Variants in ANO4 observed in about 807,000 individuals in gnomAD.
ANO4 encodes anoctamin 4.
ANO4 carries 69 observed loss-of-function variants against 141.9 expected under a neutral mutation model. The observed-to-expected ratio is 0.49, with a 90% CI of 0.40 to 0.59. The LOEUF is 0.59. Ranked by LOEUF, ANO4 falls within the 20% of genes least tolerant of loss-of-function variation. The pLI is 0.00. For synonymous variants in ANO4, 350 were observed against 394.3 expected, an observed-to-expected ratio of 0.89 and a Z score of 1.33; for missense variants, 894 against 1,162.2, an observed-to-expected ratio of 0.77 and a Z score of 3.36.
chr12:101,061,520 A>G (rs996419567), intron 14 of ANO4, among the ~76,000 whole-genome samples: 3 of 152,158 alleles, frequency 2.0e-5, no homozygotes, highest in East Asian at 1.9e-4. Context: ...AGGTACACCA[A>G]TCAAATGTAG....
At chr12:100,841,098 T>C (rs575515486) in intron 1 of ANO4, among the ~76,000 whole-genome samples, 5 of 152,262 alleles carry the variant, frequency 3.3e-5, no homozygotes, top group South Asian at 4.1e-4. Flanking sequence ...CCTCATCATA[T>C]AGTTACTGAA....
chr12:100,773,030 T>G (rs533070082), intron 3 of ANO4, among the ~76,000 whole-genome samples: 1 of 152,224 alleles, frequency 6.6e-6, no homozygotes, highest in Non-Finnish European at 1.5e-5. Context: ...TAACAAAATA[T>G]CATAAACTGA....
At chr12:100,854,309 G>C (rs1364169589) in intron 1 of ANO4, among the ~76,000 whole-genome samples, 1 of 152,018 alleles carries the variant, frequency 6.6e-6, no homozygotes, top group Non-Finnish European at 1.5e-5. Flanking sequence ...TGTTTTCTCT[G>C]TTTGCTTTAG....
chr12:100,976,422 A>T (rs2044196653), intron 7 of ANO4, among the ~76,000 whole-genome samples: 1 of 152,260 alleles, frequency 6.6e-6, no homozygotes, highest in Admixed American at 6.5e-5. Context: ...AGCAGTTGAC[A>T]TGACATTTGG....
At chr12:100,718,377 T>C (rs1307288462) in intron 1 of ANO4, among the ~76,000 whole-genome samples, 1 of 152,210 alleles carries the variant, frequency 6.6e-6, no homozygotes, top group Non-Finnish European at 1.5e-5. Context: ...CCTCCCTCCC[T>C]TCCTCTTGCT....
rs1207189426 is a variant in ANO4, at chr12:100,942,357, C to T, written c.298-20C>T. 6.2e-7 allele frequency: 1 copy of T among 1,607,398 alleles called. No individual in the cohort carries two copies. ...AATTTGATGAATGACTTAAACTGGT[C>T]CCTTTCTCTTTGTGTGCAGACAGTG... On this transcript the variant is annotated intron_variant, in intron 4 of 27. Transcript: ENST00000392977.
At chr12:100,839,942 G>A (rs2037149028) in intron 1 of ANO4, among the ~76,000 whole-genome samples, 1 of 152,072 alleles carries the variant, frequency 6.6e-6, no homozygotes, top group Admixed American at 6.6e-5. Context: ...GTCCTATAGT[G>A]CTTGAGAAAT....
At chr12:100,975,955 A>AAAAAAAAAAAC (rs1555266336) in intron 7 of ANO4, among the ~76,000 whole-genome samples, 2 of 124,624 alleles carry the variant, frequency 1.6e-5, no homozygotes, top group African/African-American at 6.0e-5. Context: ...GAAAAAAAAA[A>AAAAAAAAAAAC]CCCACCAGAT....
intron 2 of ANO4, among the ~76,000 whole-genome samples, chr12:100,909,172 A>C (rs760829466): frequency 6.6e-6 from 1 of 152,242 alleles, no homozygotes; most frequent in Non-Finnish European, 1.5e-5. Flanking sequence ...GAAATCAAGA[A>C]TAGCTATTTG....
intron 2 of ANO4, among the ~76,000 whole-genome samples, chr12:100,906,851 C>T (rs1045493559): frequency 1.3e-5 from 2 of 152,048 alleles, no homozygotes; most frequent in African/African-American, 4.8e-5. Context: ...CTTTCAGATG[C>T]GTTGGTGCCA....
chr12:100,827,198 A>C (rs951880018), intron 1 of ANO4, among the ~76,000 whole-genome samples: 1 of 151,910 alleles, frequency 6.6e-6, no homozygotes, highest in East Asian at 1.9e-4. Context: ...ACTCTTCCTC[A>C]TGTACCCTAT....
At chr12:100,893,353 A>T (rs1231585518) in intron 1 of ANO4, among the ~76,000 whole-genome samples, 1 of 151,478 alleles carries the variant, frequency 6.6e-6, no homozygotes, top group African/African-American at 2.4e-5. Context: ...AGTTTTTTCT[A>T]TGAACCAACA....
At chr12:100,738,357 T>C (rs2135462775) in intron 2 of ANO4, among the ~76,000 whole-genome samples, 1 of 152,306 alleles carries the variant, frequency 6.6e-6, no homozygotes, top group East Asian at 1.9e-4. Context: ...AAATTGAGAC[T>C]CATCTATTTA....
chr12:101,117,422 G>A (rs2050897278), intron 25 of ANO4, among the ~76,000 whole-genome samples: 3 of 152,146 alleles, frequency 2.0e-5, no homozygotes, highest in Non-Finnish European at 2.9e-5. Flanking sequence ...CCATTTAATC[G>A]TCACATCAGC....
intron 3 of ANO4, among the ~76,000 whole-genome samples, chr12:100,924,251 A>T (rs2041769603): frequency 6.6e-6 from 1 of 151,998 alleles, no homozygotes; most frequent in African/African-American, 2.4e-5. Flanking sequence ...TAACTTTCTT[A>T]TGAATAATTT....
At position 101,110,429 on chromosome 12, in the gene ANO4, C is replaced by T; in HGVS notation, c.2175C>T (p.Ile725=). 6.2e-7 allele frequency: 1 copy of T among 1,609,446 alleles called. No individual in the cohort carries two copies. Among genetic ancestry groups the T allele is most frequent in the Non-Finnish European group, 8.5e-7 (1 of 1,178,290 alleles). The change falls in exon 23 of 28, where the codon ATC becomes ATT. Residue 725 remains isoleucine, a synonymous_variant. Transcript: ENST00000392977. ...TTCTTCAGTTTGGATTCACAACTAT[C>T]TTTGTGGCAGCTTTTCCCCTAGCAC... The part of the protein sequence containing the change: ...EMILQFGFTT[I]FVAAFPLAPL...
At chr12:101,098,006 G>A in intron 21 of ANO4, 61 bp downstream of exon 21, 2 of 1,481,102 alleles carry the variant, frequency 1.4e-6, no homozygotes, top group Non-Finnish European at 1.9e-6. Context: ...TTTTCTAGGT[G>A]TGGCAAGTAA....
At chr12:100,990,719 A>G (rs539076940) in intron 8 of ANO4, among the ~76,000 whole-genome samples, 1 of 152,288 alleles carries the variant, frequency 6.6e-6, no homozygotes, top group South Asian at 2.1e-4. Flanking sequence ...GGAATACTCA[A>G]TTCTCCAGAT....
At chr12:100,792,616 TTTGAG>T (rs2034084192), upstream of ANO4, among the ~76,000 whole-genome samples, 1 of 152,216 alleles carries the variant, frequency 6.6e-6, no homozygotes, top group Admixed American at 6.5e-5. Flanking sequence ...ATTAATGGCG[TTTGAG>T]TTAATAACTG....
Sources: allele counts gnomAD v4.1 joint callset (sites outside exome capture counted in the v4.1 genomes callset), GRCh38; gene constraint gnomAD v4.1.1; transcripts MANE v1.5; gene names NCBI Gene and HGNC (gene_info 2026-07-23, HGNC 2026-07-21).